Variants in LOX observed in about 807,000 individuals in gnomAD.
LOX encodes the protein lysyl oxidase, also known as protein-lysine 6-oxidase.
LOX carries 12 observed loss-of-function variants against 50.5 expected under a neutral mutation model. The observed-to-expected ratio is 0.24, with a 90% CI of 0.15 to 0.38. LOX has a LOEUF of 0.38. Ranked by LOEUF, LOX falls within the 10% of genes least tolerant of loss-of-function variation. The pLI is 1.00. For missense variants in LOX, 504 were observed against 563.8 expected, an observed-to-expected ratio of 0.89 and a Z score of 1.07; for synonymous variants, 254 against 230.6, an observed-to-expected ratio of 1.10 and a Z score of -0.92.
At chr5:122,068,985 A>G (rs1461534062) in intron 6 of LOX, among the ~76,000 whole-genome samples, 2 of 152,128 alleles carry the variant, frequency 1.3e-5, no homozygotes, top group African/African-American at 2.4e-5. Flanking sequence ...AATATGGGCC[A>G]TAAAACCTGC....
chr5:122,063,297 A>C lies in LOX; in HGVS notation c.*3446T>G, dbSNP rs559568357. On this transcript the variant is annotated 3_prime_UTR_variant, in exon 7 of 7. Coordinates refer to ENST00000231004, the MANE Select transcript of LOX (RefSeq NM_002317.7). Reference sequence around the variant, plus strand: ...AGAATGCAAAGAGGAACATAAAGCCAATGTCTGAGCATTTAAAATAAGAGT... The same window carrying C: ...AGAATGCAAAGAGGAACATAAAGCCCATGTCTGAGCATTTAAAATAAGAGT... The C allele has an allele frequency of 1.8e-4, 28 of 152,100 alleles. No homozygotes were observed. In the South Asian group the frequency reaches 3.7e-3, roughly 20 times the overall value. 9.4% of individuals were successfully genotyped at this position (152,100 alleles called of 1,614,324 possible).
chr5:122,069,019 G>C (rs1754380466), intron 6 of LOX, among the ~76,000 whole-genome samples: 1 of 152,204 alleles, frequency 6.6e-6, no homozygotes, highest in South Asian at 2.1e-4. Context: ...CTGTGGGCAT[G>C]TTCAGAAGAA....
At chr5:122,073,056 C>T (rs1460948858) in intron 4 of LOX, among the ~76,000 whole-genome samples, 1 of 152,146 alleles carries the variant, frequency 6.6e-6, no homozygotes, top group Non-Finnish European at 1.5e-5. Context: ...ATGTTCTAAG[C>T]TCAGAGAAAA....
At chr5:122,067,429 A>C (rs922019567) in intron 6 of LOX, among the ~76,000 whole-genome samples, 1 of 152,102 alleles carries the variant, frequency 6.6e-6, no homozygotes, top group Non-Finnish European at 1.5e-5. Flanking sequence ...TACCTATTCA[A>C]CTATTTACTG....
Position 122,077,981 on chromosome 5 carries a change from C to G in LOX, c.5G>C (p.Arg2Pro). The G allele has an allele frequency of 6.9e-7, 1 of 1,454,824 alleles. No homozygotes were observed. Among genetic ancestry groups the G allele is most frequent in the Non-Finnish European group, 9.0e-7 (1 of 1,107,744 alleles). The allele number at this position is 1,454,824 out of a possible 1,614,324, so 90.1% of individuals were successfully genotyped here. A position where few individuals can be genotyped will look rare whatever the true frequency, so the allele number is the denominator to read the frequency against. Residue 2 changes from arginine to proline, a missense_variant, in exon 1 of 7, where the codon CGC becomes CCC. Coordinates refer to ENST00000231004, the MANE Select transcript of LOX (RefSeq NM_002317.7). This position sits in a 1 kb window ranked among gnomAD's most constrained non-coding sequence, Gnocchi z 4.9. ...GAGCAGGAGCACGGTCCAGGCGAAG[C>G]GCATCACTCCTTTTGCCAGATTGAC... is the stretch of plus-strand genomic sequence containing the variant. M[R>P]FAWTVLLLGP...
chr5:122,068,836 T>C (rs1754372599), intron 6 of LOX, among the ~76,000 whole-genome samples: 1 of 152,046 alleles, frequency 6.6e-6, no homozygotes, highest in Non-Finnish European at 1.5e-5. Flanking sequence ...AAATGGAGAA[T>C]GGATGAATAA....
At chr5:122,074,256 C>T in intron 3 of LOX, 87 bp from the exon 4 acceptor site, 1 of 1,180,650 alleles carries the variant, frequency 8.5e-7, no homozygotes, top group Non-Finnish European at 1.2e-6. Flanking sequence ...CATGGCTTCA[C>T]AAATTTGTTT....
Position 122,077,191 on chromosome 5 carries a change from G to C in LOX, c.631+164C>G. 2 of 1,469,424 alleles carry C rather than the reference G, an allele frequency of 1.4e-6. No individual in the cohort carries two copies. Among genetic ancestry groups the C allele is most frequent in the Non-Finnish European group, 1.8e-6 (2 of 1,115,036 alleles). The allele number at this position is 1,469,424 out of a possible 1,614,324, so 91.0% of individuals were successfully genotyped here. A position where few individuals can be genotyped will look rare whatever the true frequency, so the allele number is the denominator to read the frequency against. On this transcript the variant is annotated intron_variant, in intron 1 of 6. Transcript: ENST00000231004. This position sits in a 1 kb window ranked among gnomAD's most constrained non-coding sequence, Gnocchi z 4.9. Reference sequence around the variant, plus strand: ...TGTGAAAAGGAAGCAGGAGGGGCCAGACGCGCGGTTTGCACTGGATTCCAG... The same window carrying C: ...TGTGAAAAGGAAGCAGGAGGGGCCACACGCGCGGTTTGCACTGGATTCCAG...
At chr5:122,072,799 G>A (rs1002290247) in intron 4 of LOX, among the ~76,000 whole-genome samples, 1 of 152,214 alleles carries the variant, frequency 6.6e-6, no homozygotes, top group African/African-American at 2.4e-5. Context: ...AGAAGGGGGG[G>A]AACCAGAAGT....
At chr5:122,067,637 C>G (rs556963078) in intron 6 of LOX, among the ~76,000 whole-genome samples, 1 of 152,242 alleles carries the variant, frequency 6.6e-6, no homozygotes, top group African/African-American at 2.4e-5. Flanking sequence ...AAATTTTAGC[C>G]TGCTCTTCAG....
In LOX at chr5:122,077,245, G is replaced by C; in HGVS notation, c.631+110C>G. ...TGCCACTGCAGGCGCGTGGGGGAGG[G>C]ATCGGATCTGCGAGGACCGGGGCCC... On this transcript the variant is annotated intron_variant, in intron 1 of 6. Coordinates refer to ENST00000231004, the MANE Select transcript of LOX (RefSeq NM_002317.7). This position sits in a 1 kb window ranked among gnomAD's most constrained non-coding sequence, Gnocchi z 4.9. 1 of 1,529,376 alleles carries C rather than the reference G, an allele frequency of 6.5e-7. No homozygotes were observed. Among genetic ancestry groups the C allele is most frequent in the Non-Finnish European group, 8.8e-7 (1 of 1,139,592 alleles). The allele number at this position is 1,529,376 out of a possible 1,614,324, so 94.7% of individuals were successfully genotyped here.
In LOX at chr5:122,077,654, C is replaced by A. The variant is rs1222871851; in HGVS notation, c.332G>T (p.Gly111Val). The A allele has an allele frequency of 1.2e-6, 2 of 1,607,856 alleles. No individual in the cohort carries two copies. Among genetic ancestry groups the A allele is most frequent in the African/African-American group, 1.3e-5 (1 of 74,844 alleles). Reference sequence around the variant, plus strand: ...GGGCCTGGGGCGGCCAGCGGTGACTCCAGATGAGCCGGCCGTCCGCGTTCG... The same window carrying A: ...GGGCCTGGGGCGGCCAGCGGTGACTACAGATGAGCCGGCCGTCCGCGTTCG... ...AARTRTAGSS[G>V]VTAGRPRPTA... Residue 111 changes from glycine (G) to valine (V), a missense_variant, in exon 1 of 7, where the codon GGA (glycine) becomes GTA (valine). Physicochemically the swap from Gly to Val is moderately radical, Grantham distance 109. Coordinates refer to ENST00000231004, the MANE Select transcript of LOX (RefSeq NM_002317.7). This position sits in a 1 kb window ranked among gnomAD's most constrained non-coding sequence, Gnocchi z 4.9.
intron 6 of LOX, among the ~76,000 whole-genome samples, chr5:122,067,183 C>G (rs1754323721): frequency 6.6e-6 from 1 of 151,860 alleles, no homozygotes; most frequent in South Asian, 2.1e-4. Flanking sequence ...GAAACTGGAC[C>G]AAAGCTAATC....
rs111890552 is a variant in LOX at position 122,074,076 on chromosome 5, A to G, written c.972T>C (p.Cys324=). Residue 324 remains cysteine, a synonymous_variant, in exon 4 of 7, where the codon TGT becomes TGC. Transcript: ENST00000231004. ...RVAEGHKASF[C]LEDTSCDYGY... is the part of the protein sequence containing the mutation. ...CATAGTCACAGGATGTGTCTTCAAGACAGAAACTTGCTTTGTGGCCTTCAG... is the reference window on the plus strand; with the variant it reads ...CATAGTCACAGGATGTGTCTTCAAGGCAGAAACTTGCTTTGTGGCCTTCAG... 6.2e-6 allele frequency: 10 copies of G among 1,614,122 alleles called. No individual in the cohort carries two copies. The highest frequency in any genetic ancestry group is 4.0e-5 in the African/African-American group (3 of 75,036).
In LOX at chr5:122,077,738, G is replaced by A. The variant is rs1341486354; in HGVS notation, c.248C>T (p.Ser83Phe). The change falls in exon 1 of 7, where the codon TCC becomes TTC. Residue 83 changes from serine (S) to phenylalanine (F), a missense_variant. Physicochemically the swap from Ser to Phe is radical, Grantham distance 155 (BLOSUM62 -2). Coordinates refer to ENST00000231004, the MANE Select transcript of LOX (RefSeq NM_002317.7). The surrounding 1 kb of genome is among the most constrained non-coding windows in gnomAD (Gnocchi z 4.9). ...GATCGGAGTGCGGGGCTGCTGGGCG[G>A]AGGCGTTGGCTGCACCAGGGACGGC... The part of the protein sequence containing the change: ...GAAVPGAANA[S>F]AQQPRTPILL... The A allele has an allele frequency of 7.0e-6, 11 of 1,571,850 alleles. No homozygotes were observed. The highest frequency in any genetic ancestry group is 9.5e-6 in the Non-Finnish European group (11 of 1,163,344).
intron 4 of LOX, among the ~76,000 whole-genome samples, chr5:122,071,089 C>T (rs1754437874): frequency 6.6e-6 from 1 of 152,064 alleles, no homozygotes; most frequent in Non-Finnish European, 1.5e-5. Flanking sequence ...AAGAATATAG[C>T]TAACCAGAGG....
chr5:122,065,321 A>G lies in LOX; in HGVS notation c.*1422T>C, dbSNP rs892492855. On this transcript the variant is annotated 3_prime_UTR_variant, in exon 7 of 7. Transcript: ENST00000231004. ...AGGCACTTTTAAAATTCCACCTAAC[A>G]TGTTCTGGCACTGGAAAATCTTACT... is the stretch of plus-strand genomic sequence containing the variant. 1 of 152,070 alleles carries G rather than the reference A, an allele frequency of 6.6e-6. No homozygotes were observed. The highest frequency in any genetic ancestry group is 2.4e-5 in the African/African-American group (1 of 41,424). 9.4% of individuals were successfully genotyped at this position (152,070 alleles called of 1,614,324 possible). A position where few individuals can be genotyped will look rare whatever the true frequency, so the allele number is the denominator to read the frequency against.
rs1754314048 is a variant in LOX, at chr5:122,066,820, T to G, written c.1248-71A>C. The G allele has an allele frequency of 1.0e-5, 10 of 977,848 alleles. No homozygotes were observed. In the East Asian group the frequency reaches 2.1e-4, roughly 21 times the overall value. 60.6% of individuals were successfully genotyped at this position (977,848 alleles called of 1,614,324 possible). A position where few individuals can be genotyped will look rare whatever the true frequency, so the allele number is the denominator to read the frequency against. On this transcript the variant is annotated intron_variant, in intron 6 of 6. Coordinates refer to ENST00000231004, the MANE Select transcript of LOX (RefSeq NM_002317.7). ...TAATGAATGAGTACAACAGACAAAT[T>G]TAAAGTCAACCTTTTAAAAACTTTA...
chr5:122,066,870 C>T, intron 6 of LOX, 121 bp from the exon 7 acceptor site: 1 of 661,322 alleles, frequency 1.5e-6, no homozygotes, highest in Non-Finnish European at 2.8e-6. Flanking sequence ...TCCACCTAAG[C>T]AGCAATCATG....
Sources: allele counts gnomAD v4.1 joint callset (sites outside exome capture counted in the v4.1 genomes callset), GRCh38; gene constraint gnomAD v4.1.1; non-coding constraint Gnocchi (gnomAD v3.1); transcripts MANE v1.5; gene names NCBI Gene and HGNC (gene_info 2026-07-23, HGNC 2026-07-21).